The following AOPEP variants were observed in gnomAD, a reference collection of about 807,000 sequenced individuals.
AOPEP encodes the protein aminopeptidase O.
Under a neutral mutation model 98.1 loss-of-function variants are expected in AOPEP, and 77 were observed. That is an observed-to-expected ratio of 0.78 (90% CI 0.65 to 0.95). The LOEUF is 0.95. Ranked by LOEUF, AOPEP falls within the 40% of genes least tolerant of loss-of-function variation. The pLI is 0.00. For missense variants in AOPEP, 1,024 were observed against 1,024.7 expected (o/e 1.00, Z 0.01); for synonymous variants, 346 against 365.3 (o/e 0.95, Z 0.60).
the AOPEP span, among the ~76,000 whole-genome samples, chr9:95,123,127 CTA>C: frequency 6.6e-6 from 1 of 151,986 alleles, no homozygotes; most frequent in Non-Finnish European, 1.5e-5. Flanking sequence ...CAGAGAGACT[CTA>C]TCTCTACAAA....
At chr9:95,111,025 G>A in the AOPEP span, 1 of 1,442,896 alleles carries the variant, frequency 6.9e-7, no homozygotes, top group Admixed American at 2.7e-5. Flanking sequence ...ATCCAAGAAA[G>A]GAGACAGTCA....
intron 13 of AOPEP, among the ~76,000 whole-genome samples, chr9:95,047,117 A>G (rs2065925698): frequency 6.6e-6 from 1 of 152,228 alleles, no homozygotes; most frequent in African/African-American, 2.4e-5. Flanking sequence ...TGACTTTTAG[A>G]TGGAGATATT....
intron 4 of AOPEP, among the ~76,000 whole-genome samples, chr9:94,799,274 G>T (rs1847699756): frequency 6.6e-6 from 1 of 152,160 alleles, no homozygotes; most frequent in Non-Finnish European, 1.5e-5. Flanking sequence ...GTTATAATTG[G>T]CTGGGTGCAG....
At chr9:94,931,571 C>T (rs2137086511) in intron 7 of AOPEP, 3 of 605,116 alleles carry the variant, frequency 5.0e-6, no homozygotes, top group Non-Finnish European at 8.9e-6. Flanking sequence ...AAAATTTGTT[C>T]TCAGATTTTG....
chr9:95,026,994 G>C (rs558230953), intron 13 of AOPEP, among the ~76,000 whole-genome samples: 2 of 152,196 alleles, frequency 1.3e-5, no homozygotes, highest in African/African-American at 4.8e-5. Context: ...GGGAGTGGTG[G>C]CTCACGCTTG....
chr9:94,773,233 A>G, intron 3 of AOPEP, 65 bp downstream of exon 3: 1 of 1,409,576 alleles, frequency 7.1e-7, no homozygotes, highest in Non-Finnish European at 9.7e-7. Context: ...AACCCAATAA[A>G]CAGTATTTTT....
intron 5 of AOPEP, among the ~76,000 whole-genome samples, chr9:94,821,970 A>AACACACACACACAC (rs34645632): frequency 6.2e-4 from 88 of 141,460 alleles, no homozygotes; most frequent in African/African-American, 1.1e-3. Flanking sequence ...TGTGTGTGTA[A>AACACACACACACAC]ACACACACAC....
At chr9:95,142,564 C>CT in the AOPEP span, 1 of 152,194 alleles carries the variant, frequency 6.6e-6, no homozygotes, top group Non-Finnish European at 1.5e-5. Context: ...GGGGTATTTA[C>CT]TGTGGATACG....
intron 2 of AOPEP, among the ~76,000 whole-genome samples, chr9:94,768,862 C>T (rs1384270642): frequency 6.6e-6 from 1 of 152,218 alleles, no homozygotes; most frequent in Non-Finnish European, 1.5e-5. Context: ...AATGAAGTTA[C>T]AAGCATTGGA....
At chr9:95,101,897 A>G in the AOPEP span, 8 of 1,611,254 alleles carry the variant, frequency 5.0e-6, no homozygotes, top group African/African-American at 6.7e-5. Context: ...CTTTCCAGAC[A>G]GATTTGTCCT....
intron 9 of AOPEP, among the ~76,000 whole-genome samples, chr9:94,965,468 T>C (rs2059130258): frequency 6.6e-6 from 1 of 152,272 alleles, no homozygotes; most frequent in Non-Finnish European, 1.5e-5. Flanking sequence ...GACAGCCAGC[T>C]TCACTAGTGT....
intron 3 of AOPEP, among the ~76,000 whole-genome samples, chr9:94,781,840 G>A (rs1265894276): frequency 1.3e-5 from 2 of 151,124 alleles, no homozygotes; most frequent in East Asian, 2.0e-4. Context: ...GATTATAGGC[G>A]TGAAAGTTTT....
At chr9:95,078,398 A>T (rs1264574501) in intron 14 of AOPEP, among the ~76,000 whole-genome samples, 1 of 152,196 alleles carries the variant, frequency 6.6e-6, no homozygotes, top group Non-Finnish European at 1.5e-5. Context: ...ATCAAATCTA[A>T]ATTGTATAAT....
chr9:94,986,922 T>G (rs1054369953), intron 11 of AOPEP, among the ~76,000 whole-genome samples: 5 of 152,226 alleles, frequency 3.3e-5, no homozygotes, highest in South Asian at 2.1e-4. Context: ...TAAAAATGTT[T>G]CCTCTCTCTT....
At chr9:94,963,220 A>T (rs2058973375) in intron 9 of AOPEP, among the ~76,000 whole-genome samples, 1 of 152,190 alleles carries the variant, frequency 6.6e-6, no homozygotes, top group East Asian at 1.9e-4. Flanking sequence ...AATTATTCAT[A>T]AAATACTCGA....
chr9:95,088,116 T>C (rs1306708022), downstream of AOPEP, among the ~76,000 whole-genome samples: 3 of 152,200 alleles, frequency 2.0e-5, no homozygotes, highest in African/African-American at 7.2e-5. Flanking sequence ...GGCTCAGAAC[T>C]TGACTGTTAT....
At chr9:95,047,473 A>T (rs1394163736) in intron 13 of AOPEP, among the ~76,000 whole-genome samples, 3 of 152,248 alleles carry the variant, frequency 2.0e-5, no homozygotes, top group African/African-American at 7.2e-5. Flanking sequence ...CATCTACAAC[A>T]TTCTAATTAC....
chr9:94,818,453 G>A (rs1852185967), intron 5 of AOPEP, among the ~76,000 whole-genome samples: 1 of 152,158 alleles, frequency 6.6e-6, no homozygotes, highest in African/African-American at 2.4e-5. Context: ...TGAAAGGTTT[G>A]TTACAGAGTT....
intron 3 of AOPEP, among the ~76,000 whole-genome samples, chr9:94,777,782 C>T (rs888407368): frequency 6.6e-6 from 1 of 151,752 alleles, no homozygotes; most frequent in Non-Finnish European, 1.5e-5. Context: ...CACCACCATG[C>T]CCAGCTAATT....
Sources: gnomAD v4.1 joint callset for allele counts (sites outside exome capture counted in the v4.1 genomes callset) on GRCh38, gnomAD v4.1.1 for gene constraint, MANE v1.5 for transcripts, NCBI Gene and HGNC (gene_info 2026-07-23, HGNC 2026-07-21) for gene names.